The following GPATCH2 variants were observed in gnomAD, a reference collection of about 807,000 sequenced individuals.
The protein encoded by GPATCH2 is G patch domain-containing protein 2.
In GPATCH2, 51 loss-of-function variants were observed where a neutral mutation model predicts 58.0. The ratio of observed to expected loss-of-function variants is 0.88; its 90% CI spans 0.70 to 1.11. The LOEUF is 1.11. Ranked by LOEUF, GPATCH2 falls within the 50% of genes most tolerant of loss-of-function variation. The probability of loss-of-function intolerance (pLI) is 0.00; values close to 1 mark genes in which losing one functional copy is unlikely to be tolerated. For synonymous variants in GPATCH2, 222 were observed against 218.5 expected (o/e 1.02, Z -0.14); for missense variants, 625 against 652.2 (o/e 0.96, Z 0.45).
At chr1:217,583,657 T>C (rs1341835841) in intron 5 of GPATCH2, among the ~76,000 whole-genome samples, 1 of 150,276 alleles carries the variant, frequency 6.7e-6, no homozygotes, top group Non-Finnish European at 1.5e-5. Context: ...TTTTAAGAAC[T>C]GATTAAAGAT....
intron 9 of GPATCH2, among the ~76,000 whole-genome samples, chr1:217,437,846 G>A (rs1178111461): frequency 6.6e-6 from 1 of 152,232 alleles, no homozygotes; most frequent in African/African-American, 2.4e-5. Context: ...TGGCTCTGAA[G>A]AGAGCAGCAG....
At chr1:217,455,205 C>A (rs1659886038) in intron 8 of GPATCH2, among the ~76,000 whole-genome samples, 1 of 152,182 alleles carries the variant, frequency 6.6e-6, no homozygotes, top group Non-Finnish European at 1.5e-5. Context: ...ACTTACCCTA[C>A]CTTACCACAA....
At chr1:217,628,892 C>T (rs1280142204) in intron 1 of GPATCH2, among the ~76,000 whole-genome samples, 1 of 152,004 alleles carries the variant, frequency 6.6e-6, no homozygotes, top group Non-Finnish European at 1.5e-5. Flanking sequence ...ATATCTCATT[C>T]AGACACATAG....
At chr1:217,569,177 C>T (rs115945052) in intron 5 of GPATCH2, among the ~76,000 whole-genome samples, 2,077 of 150,502 alleles carry the variant, frequency 0.014, 48 homozygotes, top group East Asian at 0.1. Flanking sequence ...GTACAGATGA[C>T]GAAATGGGAG....
chr1:217,536,702 C>T (rs566404811), intron 5 of GPATCH2, among the ~76,000 whole-genome samples: 15 of 152,244 alleles, frequency 9.9e-5, no homozygotes, highest in South Asian at 4.1e-4. Context: ...TGGCCAGGCG[C>T]GGTGGCTCAT....
intron 5 of GPATCH2, among the ~76,000 whole-genome samples, chr1:217,584,416 C>A (rs1283239441): frequency 6.7e-6 from 1 of 149,106 alleles, no homozygotes; most frequent in Non-Finnish European, 1.5e-5. Context: ...GTAATCCCAG[C>A]TACTTGGGAG....
At chr1:217,487,933 G>A (rs761428476) in intron 8 of GPATCH2, among the ~76,000 whole-genome samples, 2 of 152,004 alleles carry the variant, frequency 1.3e-5, no homozygotes, top group Non-Finnish European at 2.9e-5. Context: ...GTAGAGACGC[G>A]GTTTCACCAT....
chr1:217,623,052 G>A (rs1414749438), intron 1 of GPATCH2, among the ~76,000 whole-genome samples: 1 of 151,958 alleles, frequency 6.6e-6, no homozygotes, highest in Non-Finnish European at 1.5e-5. Flanking sequence ...TTAATTAAAA[G>A]AAATATAGTC....
At chr1:217,540,227 A>G (rs1664669107) in intron 5 of GPATCH2, among the ~76,000 whole-genome samples, 1 of 152,176 alleles carries the variant, frequency 6.6e-6, no homozygotes. Flanking sequence ...GAAGGAAAGG[A>G]AGGAGGGAGG....
At chr1:217,444,915 G>A (rs1234825729) in intron 9 of GPATCH2, among the ~76,000 whole-genome samples, 2 of 152,108 alleles carry the variant, frequency 1.3e-5, no homozygotes, top group Non-Finnish European at 2.9e-5. Context: ...TATTTGGCAT[G>A]ACTTTTAATT....
chr1:217,427,859 T>G lies in GPATCH2; in HGVS notation c.*3286A>C, dbSNP rs752906994. On this transcript the variant is annotated 3_prime_UTR_variant, in exon 10 of 10. Coordinates refer to ENST00000366935, the MANE Select transcript of GPATCH2 (RefSeq NM_018040.5). ...GTATTTTGTAATTATGTCTGTATACTGCACACAGGCATTATAAATACACCT... is the reference window on the plus strand; with the variant it reads ...GTATTTTGTAATTATGTCTGTATACGGCACACAGGCATTATAAATACACCT... 6.6e-6 allele frequency: 1 copy of G among 152,190 alleles called. No individual in the cohort carries two copies. The highest frequency in any genetic ancestry group is 1.5e-5 in the Non-Finnish European group (1 of 68,010). The allele number at this position is 152,190 out of a possible 1,614,324, so 9.4% of individuals were successfully genotyped here. A position where few individuals can be genotyped will look rare whatever the true frequency, so the allele number is the denominator to read the frequency against.
intron 8 of GPATCH2, among the ~76,000 whole-genome samples, chr1:217,482,394 C>T (rs1661253046): frequency 1.3e-5 from 2 of 152,022 alleles, no homozygotes; most frequent in Admixed American, 1.3e-4. Context: ...GACAGTGGAC[C>T]TTACACTGAG....
chr1:217,546,221 C>T (rs12408341), intron 5 of GPATCH2, among the ~76,000 whole-genome samples: 7,578 of 152,106 alleles, frequency 0.05, 226 homozygotes, highest in African/African-American at 0.075. Context: ...GACATAATGC[C>T]CAAGCAATTT....
At chr1:217,576,862 A>C (rs1666828940) in intron 5 of GPATCH2, among the ~76,000 whole-genome samples, 1 of 152,216 alleles carries the variant, frequency 6.6e-6, no homozygotes. Context: ...GGGTATTGAC[A>C]ATGCGAAGGG....
At chr1:217,563,767 G>A (rs917765674) in intron 5 of GPATCH2, among the ~76,000 whole-genome samples, 5 of 152,140 alleles carry the variant, frequency 3.3e-5, no homozygotes, top group Admixed American at 1.3e-4. Context: ...TATGTAGGCC[G>A]GGCGCAGTGG....
intron 8 of GPATCH2, among the ~76,000 whole-genome samples, chr1:217,457,287 G>A (rs924211609): frequency 6.6e-6 from 1 of 152,112 alleles, no homozygotes; most frequent in South Asian, 2.1e-4. Flanking sequence ...GAAAAAGTCC[G>A]CTTATCAATG....
chr1:217,555,601 G>C (rs551922265), intron 5 of GPATCH2, among the ~76,000 whole-genome samples: 3 of 152,182 alleles, frequency 2.0e-5, no homozygotes, highest in Admixed American at 2.0e-4. Context: ...TAATCAAATT[G>C]TTTCTCAAAA....
intron 5 of GPATCH2, among the ~76,000 whole-genome samples, chr1:217,568,074 G>A (rs1228815161): frequency 6.6e-6 from 1 of 152,242 alleles, no homozygotes; most frequent in Admixed American, 6.5e-5. Context: ...CCGAGATCGT[G>A]CCACTGCACT....
intron 5 of GPATCH2, among the ~76,000 whole-genome samples, chr1:217,556,836 T>C (rs1191549260): frequency 6.6e-6 from 1 of 152,212 alleles, no homozygotes; most frequent in Admixed American, 6.5e-5. Flanking sequence ...GGGAAGCCAA[T>C]GATCCTTACC....
Sources: gnomAD v4.1 joint callset for allele counts (sites outside exome capture counted in the v4.1 genomes callset) on GRCh38, gnomAD v4.1.1 for gene constraint, MANE v1.5 for transcripts, NCBI Gene and HGNC (gene_info 2026-07-23, HGNC 2026-07-21) for gene names.